Variants in RBFOX3 observed in about 807,000 individuals in gnomAD.
The protein encoded by RBFOX3 is RNA binding fox-1 homolog 3, also known as RNA binding protein fox-1 homolog 3.
Under a neutral mutation model 48.7 loss-of-function variants are expected in RBFOX3, and 17 were observed. That is an observed-to-expected ratio of 0.35 (90% CI 0.24 to 0.52). The LOEUF (loss-of-function observed/expected upper bound fraction) is 0.52. RBFOX3 is among the 20% of genes least tolerant of loss of function. The pLI is 0.94. For missense variants in RBFOX3, 382 were observed against 497.5 expected (o/e 0.77, Z 2.21); for synonymous variants, 212 against 209.5 (o/e 1.01, Z -0.10).
At chr17:79,465,375 G>A (rs2076170847) in intron 2 of RBFOX3, among the ~76,000 whole-genome samples, 3 of 152,058 alleles carry the variant, frequency 2.0e-5, no homozygotes, top group South Asian at 2.1e-4. Flanking sequence ...ACAATCTCAC[G>A]CAATCCTGTT....
rs965461223 is a variant in RBFOX3, at chr17:79,473,405, T to C, written c.-175+9049A>G. On this transcript the variant is annotated intron_variant, in intron 2 of 14. Coordinates refer to ENST00000693108, the MANE Select transcript of RBFOX3 (RefSeq NM_001350451.2). The surrounding 1 kb of genome is among the most constrained non-coding windows in gnomAD (Gnocchi z 4.2). The stretch of plus-strand genomic sequence containing the variant: ...TTGGAACTGTTGTGAGGATTCACGA[T>C]GATTCATATATATTTTGGGACGAGA... Among the ~76,000 whole-genome samples, 1 of 152,220 alleles carries C rather than the reference T, an allele frequency of 6.6e-6. No homozygotes were observed. The highest frequency in any genetic ancestry group is 2.4e-5 in the African/African-American group (1 of 41,450).
In RBFOX3 at chr17:79,252,746, G is replaced by A. The variant is rs1460241758; in HGVS notation, c.-73-16941C>T. ...GCTCTGGCTGTGTTGACCACTCCCA[G>A]CCAACTGCCCCTCTCAATGCCCCTC... On this transcript the variant is annotated intron_variant, in intron 3 of 14. Coordinates refer to ENST00000693108, the MANE Select transcript of RBFOX3 (RefSeq NM_001350451.2). The surrounding 1 kb of genome is among the most constrained non-coding windows in gnomAD (Gnocchi z 4.0). Among the ~76,000 whole-genome samples, 1 of 152,166 alleles carries A rather than the reference G, an allele frequency of 6.6e-6. No individual in the cohort carries two copies. Among genetic ancestry groups the A allele is most frequent in the Non-Finnish European group, 1.5e-5 (1 of 68,030 alleles).
Position 79,605,857 on chromosome 17 carries a change from C to T in RBFOX3, c.-320+4969G>A, listed in dbSNP as rs968927818. 4.6e-3 allele frequency among the ~76,000 whole-genome samples: 696 copies of T among 152,270 alleles called. 2 individuals carry two copies. Among genetic ancestry groups the T allele is most frequent in the African/African-American group, 0.015 (614 of 41,544 alleles). Reference sequence around the variant, plus strand: ...CAACCCACCTCTCAGGTGGAACCCACGAGCCCTGGCCCCAACCTACACGGA... The same window carrying T: ...CAACCCACCTCTCAGGTGGAACCCATGAGCCCTGGCCCCAACCTACACGGA... On this transcript the variant is annotated intron_variant, in intron 1 of 14. Coordinates refer to ENST00000693108, the MANE Select transcript of RBFOX3 (RefSeq NM_001350451.2).
At chr17:79,597,652 C>T (rs1312598072) in intron 1 of RBFOX3, among the ~76,000 whole-genome samples, 24 of 152,316 alleles carry the variant, frequency 1.6e-4, no homozygotes, top group Admixed American at 1.0e-3. Flanking sequence ...TAGAAGGTAC[C>T]GCCTGATTTC....
chr17:79,628,030 C>T, the RBFOX3 span, among the ~76,000 whole-genome samples: 1 of 151,892 alleles, frequency 6.6e-6, no homozygotes, highest in African/African-American at 2.4e-5. Flanking sequence ...CTCAGGCCTG[C>T]TCCCCGCCCA....
intron 2 of RBFOX3, among the ~76,000 whole-genome samples, chr17:79,367,989 G>C (rs754331801): frequency 6.6e-6 from 1 of 152,182 alleles, no homozygotes; most frequent in Admixed American, 6.5e-5. Context: ...AACAACCGAG[G>C]GTCAGGGACA....
Position 79,255,632 on chromosome 17 carries a change from C to T in RBFOX3, c.-73-19827G>A, listed in dbSNP as rs115431294. Among the ~76,000 whole-genome samples the T allele has an allele frequency of 2.1e-3, 324 of 152,152 alleles. 3 individuals carry two copies. The highest frequency in any genetic ancestry group is 7.5e-3 in the African/African-American group (310 of 41,542). ...GGCGACCGCGTCTCCCAGGAAGCCT[C>T]GGGAAGCTGCTGAGTCAACACTGCA... is the stretch of plus-strand genomic sequence containing the variant. On this transcript the variant is annotated intron_variant, in intron 3 of 14. Coordinates refer to ENST00000693108, the MANE Select transcript of RBFOX3 (RefSeq NM_001350451.2).
chr17:79,616,582 A>AACACAC, the RBFOX3 span, among the ~76,000 whole-genome samples: 58,341 of 145,464 alleles, frequency 0.4, 14,048 homozygotes, highest in Non-Finnish European at 0.54. Context: ...TCTCTATACA[A>AACACAC]ACACACACAC....
chr17:79,135,065 G>C (rs1279652134), intron 4 of RBFOX3: 8 of 152,376 alleles, frequency 5.3e-5, no homozygotes, highest in African/African-American at 1.7e-4. Context: ...GCACACCCAG[G>C]ATGAGGATAC....
intron 4 of RBFOX3, among the ~76,000 whole-genome samples, chr17:79,169,896 T>G (rs1206020363): frequency 6.7e-6 from 1 of 150,096 alleles, no homozygotes; most frequent in Non-Finnish European, 1.5e-5. Context: ...TACAAATCAT[T>G]AAAAGGAAAG....
intron 1 of RBFOX3, among the ~76,000 whole-genome samples, chr17:79,525,286 C>G (rs879752965): frequency 2.6e-5 from 4 of 152,072 alleles, no homozygotes; most frequent in Non-Finnish European, 5.9e-5. Context: ...AATGTCCCCC[C>G]GGGGCAAAAT....
intron 1 of RBFOX3, among the ~76,000 whole-genome samples, chr17:79,510,108 C>T (rs894512207): frequency 6.6e-6 from 1 of 152,192 alleles, no homozygotes; most frequent in Non-Finnish European, 1.5e-5. Context: ...AACAGCCCGG[C>T]CCACCCACCA....
At chr17:79,581,828 A>G (rs2093069689) in intron 1 of RBFOX3, among the ~76,000 whole-genome samples, 1 of 152,230 alleles carries the variant, frequency 6.6e-6, no homozygotes, top group African/African-American at 2.4e-5. Context: ...ACTGCCATGG[A>G]GCATCTGCCA....
At position 79,195,595 on chromosome 17, in the gene RBFOX3, T is replaced by C. The variant is rs1027467583; in HGVS notation, c.-34+40171A>G. 6.6e-6 allele frequency among the ~76,000 whole-genome samples: 1 copy of C among 152,194 alleles called. No individual in the cohort carries two copies. Among genetic ancestry groups the C allele is most frequent in the Non-Finnish European group, 1.5e-5 (1 of 68,040 alleles). ...GGTTTCTGTCTGCTCTATCCTGATA[T>C]CTGAGACTGGGGCCTCCTTATTTTG... On this transcript the variant is annotated intron_variant, in intron 4 of 14. Transcript: ENST00000693108. The surrounding 1 kb of genome is among the most constrained non-coding windows in gnomAD (Gnocchi z 5.3).
intron 2 of RBFOX3, among the ~76,000 whole-genome samples, chr17:79,312,410 C>T (rs1347438462): frequency 6.6e-6 from 1 of 152,046 alleles, no homozygotes; most frequent in Non-Finnish European, 1.5e-5. Flanking sequence ...GGTCTGAGCA[C>T]TTTTGATGGG....
Position 79,421,288 on chromosome 17 carries a change from G to A in RBFOX3, c.-175+61166C>T, listed in dbSNP as rs1469428844. ...GTGAGAACCATGACTGCTGGGCTCC[G>A]AGGTCCTCTAGCAAACAACCGGGCC... On this transcript the variant is annotated intron_variant, in intron 2 of 14. Transcript: ENST00000693108. This position sits in a 1 kb window ranked among gnomAD's most constrained non-coding sequence, Gnocchi z 4.5. Among the ~76,000 whole-genome samples, 2 of 152,174 alleles carry A rather than the reference G, an allele frequency of 1.3e-5. No homozygotes were observed. Among genetic ancestry groups the A allele is most frequent in the Non-Finnish European group, 2.9e-5 (2 of 68,032 alleles).
At chr17:79,353,200 C>T (rs75935844) in intron 2 of RBFOX3, among the ~76,000 whole-genome samples, 23,486 of 152,194 alleles carry the variant, frequency 0.15, 2,021 homozygotes, top group African/African-American at 0.22. Flanking sequence ...AGGGCCTCTG[C>T]GGCTGCTGTG....
At chr17:79,285,675 T>C (rs1479879806) in intron 3 of RBFOX3, among the ~76,000 whole-genome samples, 3 of 149,048 alleles carry the variant, frequency 2.0e-5, no homozygotes, top group African/African-American at 7.5e-5. Flanking sequence ...TTTTCATGCA[T>C]TGGTTTTTGT....
chr17:79,520,641 A>G (rs1035717814), intron 1 of RBFOX3, among the ~76,000 whole-genome samples: 27,829 of 152,218 alleles, frequency 0.18, 6,609 homozygotes, highest in African/African-American at 0.56. Context: ...CCTGAGCCTG[A>G]CATCTCGGCC....
Sources: gnomAD v4.1 joint callset for allele counts (sites outside exome capture counted in the v4.1 genomes callset) on GRCh38, gnomAD v4.1.1 for gene constraint, Gnocchi (gnomAD v3.1) non-coding constraint, MANE v1.5 for transcripts, NCBI Gene and HGNC (gene_info 2026-07-23, HGNC 2026-07-21) for gene names.